SEMA4F: variants seen among roughly 807,000 people sequenced by gnomAD.
SEMA4F encodes ssemaphorin 4F.
A neutral mutation model predicts 78.4 loss-of-function variants in SEMA4F; 51 were observed. The observed-to-expected ratio is 0.65, with a 90% CI of 0.52 to 0.82. The LOEUF is 0.82. Among genes scored for constraint, SEMA4F ranks in the 40% least tolerant of loss-of-function variants. SEMA4F has a pLI of 0.00. For missense variants in SEMA4F, 938 were observed against 1,014.4 expected, an observed-to-expected ratio of 0.92 and a Z score of 1.02; for synonymous variants, 418 against 408.7, an observed-to-expected ratio of 1.02 and a Z score of -0.27.
rs1684268925 is a variant in SEMA4F, at chr2:74,658,465, A to C, written c.456+514A>C. On this transcript the variant is annotated intron_variant, in intron 4 of 13. Coordinates refer to ENST00000357877, the MANE Select transcript of SEMA4F (RefSeq NM_004263.5). The surrounding 1 kb of genome is among the most constrained non-coding windows in gnomAD (Gnocchi z 4.3). ...TGAGTCTCTCCTCTCATGGCTTCTGATGTCACTTCCACTAATGTAATATCT... is the reference window on the plus strand; with the variant it reads ...TGAGTCTCTCCTCTCATGGCTTCTGCTGTCACTTCCACTAATGTAATATCT... 1.3e-5 allele frequency among the ~76,000 whole-genome samples: 2 copies of C among 152,092 alleles called. No homozygotes were observed.
At chr2:74,657,685 C>G in intron 3 of SEMA4F, 61 bp downstream of exon 3, 2 of 1,540,842 alleles carry the variant, frequency 1.3e-6, no homozygotes, top group South Asian at 1.1e-5. Context: ...AGCCCTGACT[C>G]TCAGTCCCCT....
chr2:74,679,019 A>G (rs1408462497), intron 12 of SEMA4F, among the ~76,000 whole-genome samples: 3 of 152,220 alleles, frequency 2.0e-5, no homozygotes, highest in Middle Eastern at 3.2e-3. Context: ...ACATCTTTAC[A>G]ACAGACCTAG....
rs141170275 is a variant in SEMA4F at position 74,656,681 on chromosome 2, G to T, written c.293G>T (p.Arg98Leu). 2.8e-5 allele frequency: 45 copies of T among 1,614,008 alleles called. No individual in the cohort carries two copies. Among genetic ancestry groups the T allele is most frequent in the Non-Finnish European group, 3.6e-5 (43 of 1,180,022 alleles). ...CTGCCCTTCTCAGGGGAGAGACCCC[G>T]CAGGGTGAGAGACAAGAGAGGGAAG... ...LSLPFSGERP[R>L]RIDWMVPEAH... The change falls in exon 2 of 14, where the codon CGC becomes CTC. Residue 98 changes from arginine (R) to leucine (L), a missense_variant. Transcript: ENST00000357877.
At position 74,675,622 on chromosome 2, in the gene SEMA4F, G is replaced by T; in HGVS notation, c.1470G>T (p.Met490Ile). The T allele has an allele frequency of 6.2e-7, 1 of 1,614,148 alleles. No homozygotes were observed. Among genetic ancestry groups the T allele is most frequent in the Non-Finnish European group, 8.5e-7 (1 of 1,179,980 alleles). The change falls in exon 11 of 14, where the codon ATG becomes ATT. Residue 490 changes from methionine to isoleucine, a missense_variant. By Grantham distance (10) the Met-to-Ile change is conservative. Coordinates refer to ENST00000357877, the MANE Select transcript of SEMA4F (RefSeq NM_004263.5). The part of the protein sequence containing the change: ...LFPEPQPVEN[M>I]KLYHSWLLVG... ...CAGAGCCACAGCCAGTTGAGAACAT[G>T]AAATTGTACCACGTGAGTTGTAGAT... is the stretch of plus-strand genomic sequence containing the variant.
rs1685204455 is a variant in SEMA4F at position 74,675,231 on chromosome 2, T to C, written c.1219T>C (p.Phe407Leu). ...CTCCCTGCCTGACCGCGTACTCACC[T>C]TCATCCGGGACCACCCACTCATGGA... is the stretch of plus-strand genomic sequence containing the variant. ...SLSLPDRVLT[F>L]IRDHPLMDRP... The change falls in exon 10 of 14, where the codon TTC (phenylalanine) becomes CTC (leucine). Residue 407 changes from phenylalanine to leucine, a missense_variant. Phe to Leu is a conservative substitution (Grantham distance 22). Transcript: ENST00000357877. 1.2e-6 allele frequency: 2 copies of C among 1,614,174 alleles called. No individual in the cohort carries two copies. The highest frequency in any genetic ancestry group is 1.7e-6 in the Non-Finnish European group (2 of 1,180,024).
the SEMA4F span, among the ~76,000 whole-genome samples, chr2:74,695,508 T>C: frequency 6.6e-6 from 1 of 152,166 alleles, no homozygotes; most frequent in African/African-American, 2.4e-5. Flanking sequence ...TTATCCCTAC[T>C]CCCTCATCCC....
chr2:74,691,049 T>C, the SEMA4F span, among the ~76,000 whole-genome samples: 1 of 152,356 alleles, frequency 6.6e-6, no homozygotes, highest in Non-Finnish European at 1.5e-5. Flanking sequence ...ATTATTGGCT[T>C]CATTTTAGAG....
chr2:74,661,649 G>A (rs999070344), intron 4 of SEMA4F, among the ~76,000 whole-genome samples: 1 of 152,184 alleles, frequency 6.6e-6, no homozygotes, highest in Non-Finnish European at 1.5e-5. Context: ...TTCTGACCCA[G>A]CATTCCGTTT....
downstream of SEMA4F, among the ~76,000 whole-genome samples, chr2:74,684,088 C>CTT (rs34924559): frequency 1.2e-4 from 17 of 142,454 alleles, no homozygotes; most frequent in South Asian, 4.5e-4. Context: ...ACCAAATTAA[C>CTT]TTTTTTTTTT....
At chr2:74,671,721 G>C (rs1684999086) in intron 5 of SEMA4F, among the ~76,000 whole-genome samples, 1 of 152,190 alleles carries the variant, frequency 6.6e-6, no homozygotes, top group Non-Finnish European at 1.5e-5. Flanking sequence ...TTCAGCCTTA[G>C]GATGTGCAAC....
At chr2:74,654,557 GC>G (rs774665589) in intron 1 of SEMA4F, 36 bp downstream of exon 1, 2 of 1,507,386 alleles carry the variant, frequency 1.3e-6, no homozygotes, top group Non-Finnish European at 1.8e-6. Context: ...AGCCCTTCGC[GC>G]CCACACCCAC....
At chr2:74,665,174 A>G (rs1048931987) in intron 5 of SEMA4F, among the ~76,000 whole-genome samples, 12 of 151,578 alleles carry the variant, frequency 7.9e-5, no homozygotes, top group African/African-American at 2.9e-4. Context: ...CCTATGCATG[A>G]CTTTATTTTT....
rs758154460 is a variant in SEMA4F, at chr2:74,675,605, C to T, written c.1453C>T (p.Gln485Ter). 11 of 1,614,082 alleles carry T rather than the reference C, an allele frequency of 6.8e-6. No homozygotes were observed. The highest frequency in any genetic ancestry group is 1.6e-4 in the Middle Eastern group (1 of 6,084). The change falls in exon 11 of 14, where the codon CAG (glutamine) becomes TAG (stop). Residue 485 changes from glutamine to a stop codon, truncating the protein, a stop_gained. Coordinates refer to ENST00000357877, the MANE Select transcript of SEMA4F (RefSeq NM_004263.5). LOFTEE classifies it high-confidence loss of function. ...LEDLALFPEP[Q>*]PVENMKLYHS... ...AGATCTGGCCTTATTCCCAGAGCCA[C>T]AGCCAGTTGAGAACATGAAATTGTA...
Position 74,656,602 on chromosome 2 carries a change from C to G in SEMA4F, c.214C>G (p.Pro72Ala). The G allele has an allele frequency of 6.2e-7, 1 of 1,614,140 alleles. No individual in the cohort carries two copies. Among genetic ancestry groups the G allele is most frequent in the Non-Finnish European group, 8.5e-7 (1 of 1,180,002 alleles). The change falls in exon 2 of 14, where the codon CCT becomes GCT. Residue 72 changes from proline (P) to alanine (A), a missense_variant. By Grantham distance (27) the Pro-to-Ala change is conservative. Transcript: ENST00000357877. ...CAATTACTCTGTTCTCCTTGTGGAT[C>G]CTGCCTCCCACACACTTTATGTTGG... ...TYNYSVLLVDPASHTLYVGAR... is the reference protein window; with the variant it reads ...TYNYSVLLVDAASHTLYVGAR...
intron 5 of SEMA4F, among the ~76,000 whole-genome samples, chr2:74,670,664 C>A (rs2104975676): frequency 6.6e-6 from 1 of 152,372 alleles, no homozygotes; most frequent in South Asian, 2.1e-4. Flanking sequence ...CTTAGGGTAT[C>A]CATGACACGG....
At chr2:74,701,620 G>T in the SEMA4F span, among the ~76,000 whole-genome samples, 1 of 152,308 alleles carries the variant, frequency 6.6e-6, no homozygotes, top group East Asian at 1.9e-4. Context: ...CTCGTTGTTT[G>T]TAGCCTCTAT....
intron 4 of SEMA4F, among the ~76,000 whole-genome samples, chr2:74,660,754 C>A (rs1412106414): frequency 6.6e-6 from 1 of 152,188 alleles, no homozygotes; most frequent in African/African-American, 2.4e-5. Flanking sequence ...TATGATGATG[C>A]TGCTGGGGAA....
At chr2:74,671,795 G>C (rs1340110070) in intron 5 of SEMA4F, among the ~76,000 whole-genome samples, 4 of 152,098 alleles carry the variant, frequency 2.6e-5, no homozygotes, top group African/African-American at 9.7e-5. Context: ...TTGCTGGCTT[G>C]GTTAATAATG....
intron 5 of SEMA4F, among the ~76,000 whole-genome samples, chr2:74,667,704 T>C (rs935804686): frequency 6.6e-6 from 1 of 152,224 alleles, no homozygotes; most frequent in Admixed American, 6.5e-5. Flanking sequence ...ATTTTGACAT[T>C]CACATTAGCC....
Sources: gnomAD v4.1 joint callset for allele counts (sites outside exome capture counted in the v4.1 genomes callset) on GRCh38, gnomAD v4.1.1 for gene constraint, Gnocchi (gnomAD v3.1) non-coding constraint, MANE v1.5 for transcripts, NCBI Gene and HGNC (gene_info 2026-07-23, HGNC 2026-07-21) for gene names.